ENPP6: variants seen among roughly 807,000 people sequenced by gnomAD.
ENPP6 encodes the protein glycerophosphocholine cholinephosphodiesterase ENPP6.
A neutral mutation model predicts 42.0 loss-of-function variants in ENPP6; 32 were observed. The ratio of observed to expected loss-of-function variants is 0.76; its 90% CI spans 0.58 to 1.02. ENPP6 has a LOEUF of 1.02. Ranked by LOEUF, ENPP6 falls within the 50% of genes least tolerant of loss-of-function variation. The pLI is 0.00. For missense variants in ENPP6, 552 were observed against 566.8 expected (o/e 0.97, Z 0.27); for synonymous variants, 213 against 216.0 (o/e 0.99, Z 0.12).
At position 184,169,159 on chromosome 4, in the gene ENPP6, C is replaced by T. The variant is rs77385161; in HGVS notation, c.242-15426G>A. 8.7e-3 allele frequency among the ~76,000 whole-genome samples: 1,323 copies of T among 152,336 alleles called. 23 individuals carry two copies. Among genetic ancestry groups the T allele is most frequent in the African/African-American group, 0.03 (1,263 of 41,572 alleles). On this transcript the variant is annotated intron_variant, in intron 1 of 7. Coordinates refer to ENST00000296741, the MANE Select transcript of ENPP6 (RefSeq NM_153343.4). Reference sequence around the variant, plus strand: ...AAATTCCTCCTGCGCCCTGCATGGCCCATTCAGGAGCGTCTGTGACCCAAC... The same window carrying T: ...AAATTCCTCCTGCGCCCTGCATGGCTCATTCAGGAGCGTCTGTGACCCAAC...
chr4:184,102,521 G>C (rs1736022834), intron 6 of ENPP6, among the ~76,000 whole-genome samples: 1 of 152,242 alleles, frequency 6.6e-6, no homozygotes, highest in African/African-American at 2.4e-5. Context: ...TGGTTGCTAA[G>C]CTGGGGAGAA....
At chr4:184,214,681 G>C (rs1241781688) in intron 1 of ENPP6, among the ~76,000 whole-genome samples, 2 of 152,196 alleles carry the variant, frequency 1.3e-5, no homozygotes, top group Non-Finnish European at 2.9e-5. Flanking sequence ...GTCCTTTGCA[G>C]AGACATGGAT....
intron 2 of ENPP6, among the ~76,000 whole-genome samples, chr4:184,131,189 C>CTTTCTTTCTTTCTTTCTT (rs1736611990): frequency 4.5e-5 from 3 of 66,580 alleles, no homozygotes; most frequent in African/African-American, 6.7e-5. Context: ...TTCTTTCTTT[C>CTTTCTTTCTTTCTTTCTT]TTTCTTTCTT....
At chr4:184,126,128 C>T (rs1253527262) in intron 2 of ENPP6, among the ~76,000 whole-genome samples, 1 of 152,190 alleles carries the variant, frequency 6.6e-6, no homozygotes, top group Non-Finnish European at 1.5e-5. Flanking sequence ...AAGAGAAACG[C>T]ATCCTTTTTG....
chr4:184,116,146 C>T (rs967646163), intron 5 of ENPP6, among the ~76,000 whole-genome samples: 2 of 152,060 alleles, frequency 1.3e-5, no homozygotes, highest in Non-Finnish European at 2.9e-5. Context: ...TGGCATGAAC[C>T]CGGGAGGCAA....
intron 1 of ENPP6, among the ~76,000 whole-genome samples, chr4:184,209,776 C>G (rs1733078183): frequency 6.8e-6 from 1 of 146,522 alleles, no homozygotes; most frequent in Non-Finnish European, 1.5e-5. Context: ...CTCCAAGACA[C>G]ATAATTGTCA....
At chr4:184,208,920 C>G (rs951920638) in intron 1 of ENPP6, among the ~76,000 whole-genome samples, 3 of 143,858 alleles carry the variant, frequency 2.1e-5, no homozygotes, top group East Asian at 2.0e-4. Flanking sequence ...TCAAGTGGGT[C>G]CCTGACCCCT....
At chr4:184,168,674 G>A (rs1188631028) in intron 1 of ENPP6, among the ~76,000 whole-genome samples, 2 of 152,212 alleles carry the variant, frequency 1.3e-5, no homozygotes. Flanking sequence ...GGCTGGGCCA[G>A]CCTTGAATTC....
At chr4:184,112,569 G>GA (rs1736215527) in intron 6 of ENPP6, 103 bp downstream of exon 6, 1 of 1,406,618 alleles carries the variant, frequency 7.1e-7, no homozygotes, top group African/African-American at 1.5e-5. Flanking sequence ...ATGCCTAAGT[G>GA]AAAAAATCTT....
At position 184,096,484 on chromosome 4, in the gene ENPP6, A is replaced by C. The variant is rs144950981; in HGVS notation, c.1117+761T>G. On this transcript the variant is annotated intron_variant, in intron 7 of 7. Coordinates refer to ENST00000296741, the MANE Select transcript of ENPP6 (RefSeq NM_153343.4). ...ACTGATGGTTGATGGCTGTTGGATG[A>C]TTTTTCTCCCTTTTTAATTTTTGTT... Among the ~76,000 whole-genome samples, 653 of 152,222 alleles carry C rather than the reference A, an allele frequency of 4.3e-3. 8 individuals are homozygous for C. The highest frequency in any genetic ancestry group is 0.015 in the African/African-American group (611 of 41,518).
At chr4:184,210,585 A>G (rs1460735858) in intron 1 of ENPP6, among the ~76,000 whole-genome samples, 2 of 146,370 alleles carry the variant, frequency 1.4e-5, no homozygotes, top group East Asian at 3.9e-4. Flanking sequence ...AGATTCATAA[A>G]GCAAGTCCTG....
chr4:184,200,579 C>T (rs936058810), intron 1 of ENPP6, among the ~76,000 whole-genome samples: 1 of 152,220 alleles, frequency 6.6e-6, no homozygotes, highest in Non-Finnish European at 1.5e-5. Context: ...TCTTCTCACG[C>T]TAAACAGCAA....
intron 2 of ENPP6, among the ~76,000 whole-genome samples, chr4:184,147,560 T>G (rs1736947734): frequency 6.6e-6 from 1 of 152,140 alleles, no homozygotes; most frequent in South Asian, 2.1e-4. Flanking sequence ...GTAAGAGGAT[T>G]GCTTGAGTAC....
chr4:184,202,983 C>T (rs1277813525), intron 1 of ENPP6, among the ~76,000 whole-genome samples: 7 of 152,150 alleles, frequency 4.6e-5, no homozygotes, highest in Admixed American at 4.6e-4. Context: ...ATGGCTCATG[C>T]CTGTAATCCC....
At position 184,101,275 on chromosome 4, in the gene ENPP6, CGT is replaced by C. The variant is rs527731623; in HGVS notation, c.994-3909_994-3908del. The stretch of plus-strand genomic sequence containing the variant: ...TGTGTTTATGTGTGTCTGTGTTGCA[CGT>C]GTGTGTTAATGTTTATGTGTGTGAG... On this transcript the variant is annotated intron_variant, in intron 6 of 7. Coordinates refer to ENST00000296741, the MANE Select transcript of ENPP6 (RefSeq NM_153343.4). 1.8e-4 allele frequency among the ~76,000 whole-genome samples: 27 copies of C among 149,076 alleles called. No homozygotes were observed. The East Asian group carries it at 5.1e-3, about 28-fold the overall frequency.
intron 1 of ENPP6, among the ~76,000 whole-genome samples, chr4:184,171,171 G>A (rs1435909425): frequency 6.6e-6 from 1 of 152,214 alleles, no homozygotes; most frequent in African/African-American, 2.4e-5. Flanking sequence ...CTCAGAGGCT[G>A]GGGTAACCTG....
At chr4:184,188,377 T>A (rs968880523) in intron 1 of ENPP6, among the ~76,000 whole-genome samples, 3 of 152,130 alleles carry the variant, frequency 2.0e-5, no homozygotes, top group Admixed American at 6.5e-5. Flanking sequence ...TTGTCCTAGG[T>A]TTTTGTTCCA....
intron 6 of ENPP6, among the ~76,000 whole-genome samples, chr4:184,109,841 G>C (rs1187663213): frequency 7.0e-6 from 1 of 143,866 alleles, no homozygotes; most frequent in Non-Finnish European, 1.5e-5. Flanking sequence ...GATTTATTCA[G>C]ACAAACGTGT....
At chr4:184,179,655 CAA>C (rs556240918) in intron 1 of ENPP6, among the ~76,000 whole-genome samples, 2 of 151,366 alleles carry the variant, frequency 1.3e-5, no homozygotes, top group South Asian at 2.1e-4. Context: ...AATGAAATAA[CAA>C]AAAAAACCAC....
Sources: gnomAD v4.1 joint callset for allele counts (sites outside exome capture counted in the v4.1 genomes callset) on GRCh38, gnomAD v4.1.1 for gene constraint, MANE v1.5 for transcripts, NCBI Gene and HGNC (gene_info 2026-07-23, HGNC 2026-07-21) for gene names.